The following ZFP37 variants were observed in gnomAD, a reference collection of about 807,000 sequenced individuals.
The protein encoded by ZFP37 is zinc finger protein 37 homolog.
ZFP37 carries 38 observed loss-of-function variants against 52.1 expected under a neutral mutation model. That is an observed-to-expected ratio of 0.73 (90% CI 0.56 to 0.96). The LOEUF (loss-of-function observed/expected upper bound fraction) is 0.96, where lower values mean the gene tolerates loss of function less well. Among genes scored for constraint, ZFP37 ranks in the 40% least tolerant of loss-of-function variants. The probability of loss-of-function intolerance (pLI) is 0.00; values close to 1 mark genes in which losing one functional copy is unlikely to be tolerated. For synonymous variants in ZFP37, 253 were observed against 259.5 expected (o/e 0.98, Z 0.24); for missense variants, 695 against 741.4 (o/e 0.94, Z 0.73).
chr9:113,049,516 G>T lies in ZFP37; in HGVS notation c.215-20C>A, dbSNP rs1286824801. ...GACACCCTGCTCATGAGAAATAGCA[G>T]AAACTGAGTGTTAGAACAACCATCC... On this transcript the variant is annotated intron_variant, in intron 2 of 3. Coordinates refer to ENST00000374227, the MANE Select transcript of ZFP37 (RefSeq NM_003408.3). 6.2e-7 allele frequency: 1 copy of T among 1,605,504 alleles called. No individual in the cohort carries two copies. The highest frequency in any genetic ancestry group is 1.3e-5 in the African/African-American group (1 of 74,810).
intron 1 of ZFP37, among the ~76,000 whole-genome samples, chr9:113,054,423 G>A (rs1829107265): frequency 6.6e-6 from 1 of 152,086 alleles, no homozygotes; most frequent in African/African-American, 2.4e-5. Flanking sequence ...GGTGACCCGA[G>A]CCAATCTTAA....
At chr9:113,049,909 T>C (rs1315529814) in intron 1 of ZFP37, 37 bp from the exon 2 acceptor site, 2 of 1,613,316 alleles carry the variant, frequency 1.2e-6, no homozygotes, top group African/African-American at 1.3e-5. Context: ...GTTTGAATGT[T>C]ACTGATACCT....
chr9:113,046,327 T>C (rs1828955140), intron 3 of ZFP37, among the ~76,000 whole-genome samples: 1 of 151,656 alleles, frequency 6.6e-6, no homozygotes, highest in Non-Finnish European at 1.5e-5. Context: ...TGCTGGCTGC[T>C]TTTTCATTTA....
rs1828818546 is a variant in ZFP37 at position 113,039,874 on chromosome 9, G to A, written c.*2851C>T. ...ACTTACACCATGATTTAGATTAGTG[G>A]TTCTCAAAGGGTGGTCCCCAGACCA... On this transcript the variant is annotated 3_prime_UTR_variant, in exon 4 of 4. Transcript: ENST00000374227. The A allele has an allele frequency of 6.6e-6, 1 of 152,112 alleles. No individual in the cohort carries two copies. Among genetic ancestry groups the A allele is most frequent in the Non-Finnish European group, 1.5e-5 (1 of 68,022 alleles). 9.4% of individuals were successfully genotyped at this position (152,112 alleles called of 1,614,324 possible).
Position 113,043,433 on chromosome 9 carries a change from A to G in ZFP37, c.1185T>C (p.His395=). The G allele has an allele frequency of 6.2e-7, 1 of 1,614,096 alleles. No individual in the cohort carries two copies. Among genetic ancestry groups the G allele is most frequent in the South Asian group, 1.1e-5 (1 of 91,082 alleles). ...GCTTCTCACCTGTGTGAGATCTCAC[A>G]TGTTGAATAAGGTTTGAGCTGTGTC... ...TFRHSSNLIQ[H]VRSHTGEKPY... The change falls in exon 4 of 4, where the codon CAT becomes CAC. Residue 395 remains histidine (H), a synonymous_variant. Transcript: ENST00000374227.
Position 113,049,852 on chromosome 9 carries a change from A to T in ZFP37, c.153T>A (p.Pro51=), listed in dbSNP as rs767813921. The T allele has an allele frequency of 3.1e-6, 5 of 1,614,128 alleles. No homozygotes were observed. Among genetic ancestry groups the T allele is most frequent in the Non-Finnish European group, 4.2e-6 (5 of 1,179,956 alleles). Residue 51 remains proline (P), a synonymous_variant, in exon 2 of 4, where the codon CCT becomes CCA. Transcript: ENST00000374227. ...CATCATTATACAGGTTGCTCTGAGC[A>T]GGATCCAGTTGCTTCCATTCCTTCT... ...ASAAEWKQLD[P]AQSNLYNDVM...
rs748320314 is a variant in ZFP37 at position 113,056,715 on chromosome 9, C to A, written c.-27G>T. On this transcript the variant is annotated 5_prime_UTR_variant, in exon 1 of 4. Coordinates refer to ENST00000374227, the MANE Select transcript of ZFP37 (RefSeq NM_003408.3). ...GCGGCTACCCGGAGGGCGGCCTTAG[C>A]GGGTCCGGCAGCCGCGATGGCGGCG... The A allele has an allele frequency of 5.0e-6, 8 of 1,604,384 alleles. No individual in the cohort carries two copies. Among genetic ancestry groups the A allele is most frequent in the East Asian group, 2.2e-5 (1 of 44,762 alleles).
At chr9:113,044,636 C>T (rs1828920658) in intron 3 of ZFP37, among the ~76,000 whole-genome samples, 1 of 152,024 alleles carries the variant, frequency 6.6e-6, no homozygotes, top group Non-Finnish European at 1.5e-5. Flanking sequence ...GTTCTGATAA[C>T]TCCCAAGCTG....
intron 3 of ZFP37, among the ~76,000 whole-genome samples, chr9:113,048,972 A>G (rs987952039): frequency 2.6e-5 from 4 of 152,182 alleles, no homozygotes; most frequent in African/African-American, 4.8e-5. Context: ...TAGGTCCCCA[A>G]ATAAAGATAA....
Position 113,044,012 on chromosome 9 carries a change from A to C in ZFP37, c.606T>G (p.Ser202=). The C allele has an allele frequency of 6.2e-7, 1 of 1,614,002 alleles. No individual in the cohort carries two copies. The highest frequency in any genetic ancestry group is 8.5e-7 in the Non-Finnish European group (1 of 1,179,966). The change falls in exon 4 of 4, where the codon TCT becomes TCG. Residue 202 remains serine (S), a synonymous_variant. Transcript: ENST00000374227. ...DHSRNCVKRK[S]DAAKEHKKSF... is the part of the protein sequence containing the mutation. ...ACTTCTTGTGTTCTTTAGCTGCATC[A>C]GATTTCCTTTTTACACAGTTTCTTG...
chr9:113,047,130 C>G (rs188793402), intron 3 of ZFP37, among the ~76,000 whole-genome samples: 2 of 150,866 alleles, frequency 1.3e-5, no homozygotes, highest in East Asian at 3.9e-4. Flanking sequence ...AAAAAGAGAA[C>G]CTGAACCAAG....
In ZFP37 at chr9:113,042,220, C is replaced by T. The variant is rs892209249; in HGVS notation, c.*505G>A. 1 of 152,102 alleles carries T rather than the reference C, an allele frequency of 6.6e-6. No individual in the cohort carries two copies. Among genetic ancestry groups the T allele is most frequent in the Non-Finnish European group, 1.5e-5 (1 of 68,162 alleles). 9.4% of individuals were successfully genotyped at this position (152,102 alleles called of 1,614,324 possible). A position where few individuals can be genotyped will look rare whatever the true frequency, so the allele number is the denominator to read the frequency against. ...CTGTTAACATTTTTTACATATATAA[C>T]AACCCTTTTAAAAAGATTTCTGCTG... On this transcript the variant is annotated 3_prime_UTR_variant, in exon 4 of 4. Transcript: ENST00000374227.
At position 113,049,373 on chromosome 9, in the gene ZFP37, T is replaced by A; in HGVS notation, c.338A>T (p.Glu113Val). The A allele has an allele frequency of 6.2e-7, 1 of 1,612,562 alleles. No individual in the cohort carries two copies. The highest frequency in any genetic ancestry group is 8.5e-7 in the Non-Finnish European group (1 of 1,179,624). The change falls in exon 3 of 4, where the codon GAA (glutamate) becomes GTA (valine). Residue 113 changes from glutamate (E) to valine (V), a missense_variant. Coordinates refer to ENST00000374227, the MANE Select transcript of ZFP37 (RefSeq NM_003408.3). ...PSKIARPKQK[E>V]TDGKVQKDDD... Reference sequence around the variant, plus strand: ...AAGTTACAACTTACTTCCATCAGTTTCTTTTTGCTTGGGTCTTGCTATTTT... The same window carrying A: ...AAGTTACAACTTACTTCCATCAGTTACTTTTTGCTTGGGTCTTGCTATTTT...
At chr9:113,047,662 G>C (rs938323959) in intron 3 of ZFP37, among the ~76,000 whole-genome samples, 2 of 152,136 alleles carry the variant, frequency 1.3e-5, no homozygotes, top group Admixed American at 6.5e-5. Context: ...TTAAGTATGA[G>C]ATAATATGAA....
In ZFP37 at chr9:113,049,155, A is replaced by G. The variant is rs74592062; in HGVS notation, c.349+207T>C. On this transcript the variant is annotated intron_variant, in intron 3 of 3. Coordinates refer to ENST00000374227, the MANE Select transcript of ZFP37 (RefSeq NM_003408.3). ...GCTCACTACTATAGCGAACCTCACA[A>G]AGAACCTCTCATGTGAACAAGTTCA... Among the ~76,000 whole-genome samples, 23 of 152,328 alleles carry G rather than the reference A, an allele frequency of 1.5e-4. No individual in the cohort carries two copies. In the East Asian group the frequency reaches 4.0e-3, roughly 27 times the overall value.
chr9:113,043,092 C>T lies in ZFP37; in HGVS notation c.1526G>A (p.Arg509Lys), dbSNP rs747288899. 2 of 1,613,466 alleles carry T rather than the reference C, an allele frequency of 1.2e-6. No individual in the cohort carries two copies. Among genetic ancestry groups the T allele is most frequent in the African/African-American group, 2.7e-5 (2 of 74,896 alleles). The part of the protein sequence containing the change: ...GHSSSLTYHM[R>K]THTGESPFEC... ...AAAGGGACTTTCACCTGTATGAGTT[C>T]TCATATGGTAAGTAAGAGATGAGCT... Residue 509 changes from arginine to lysine, a missense_variant, in exon 4 of 4, where the codon AGA becomes AAA. Physicochemically the swap from Arg to Lys is conservative, Grantham distance 26. This residue lies in a region of ZFP37 where 326 missense variants were observed against 400.5 expected (regional missense o/e 0.81). Coordinates refer to ENST00000374227, the MANE Select transcript of ZFP37 (RefSeq NM_003408.3).
chr9:113,044,399 C>T (rs1828916615), intron 3 of ZFP37, 131 bp from the exon 4 acceptor site: 1 of 726,066 alleles, frequency 1.4e-6, no homozygotes, highest in South Asian at 2.7e-5. Context: ...GTGAATGAAA[C>T]AACTAGGGTG....
Position 113,041,428 on chromosome 9 carries a change from G to C in ZFP37, c.*1297C>G, listed in dbSNP as rs1828844562. On this transcript the variant is annotated 3_prime_UTR_variant, in exon 4 of 4. Coordinates refer to ENST00000374227, the MANE Select transcript of ZFP37 (RefSeq NM_003408.3). ...TAATGCCCAATATTGAGCGAGAACA[G>C]GGAGGGGTGACATTTGTTTCATTCG... 1 of 152,180 alleles carries C rather than the reference G, an allele frequency of 6.6e-6. No homozygotes were observed. The highest frequency in any genetic ancestry group is 6.6e-5 in the Admixed American group (1 of 15,264). 9.4% of individuals were successfully genotyped at this position (152,180 alleles called of 1,614,324 possible). A position where few individuals can be genotyped will look rare whatever the true frequency, so the allele number is the denominator to read the frequency against.
intron 1 of ZFP37, among the ~76,000 whole-genome samples, chr9:113,050,825 A>T (rs1829044736): frequency 6.6e-6 from 1 of 151,838 alleles, no homozygotes; most frequent in Non-Finnish European, 1.5e-5. Context: ...TGAACCCAGG[A>T]GGTGGAGGTT....
Sources: allele counts gnomAD v4.1 joint callset (sites outside exome capture counted in the v4.1 genomes callset), GRCh38; gene constraint gnomAD v4.1.1; regional missense constraint gnomAD v4.1.1; transcripts MANE v1.5; gene names NCBI Gene and HGNC (gene_info 2026-07-23, HGNC 2026-07-21).